The following ALG14 variants were observed in gnomAD, a reference collection of about 807,000 sequenced individuals.
The protein encoded by ALG14 is UDP-N-acetylglucosamine transferase subunit ALG14.
A neutral mutation model predicts 22.8 loss-of-function variants in ALG14; 17 were observed. The observed-to-expected ratio is 0.75, with a 90% CI of 0.51 to 1.12. The LOEUF (loss-of-function observed/expected upper bound fraction) is 1.12. Among genes scored for constraint, ALG14 ranks in the 50% most tolerant of loss-of-function variants. The probability of loss-of-function intolerance (pLI) is 0.00; values close to 1 mark genes in which losing one functional copy is unlikely to be tolerated. For missense variants in ALG14, 288 were observed against 271.8 expected (o/e 1.06, Z -0.42); for synonymous variants, 89 against 103.7 (o/e 0.86, Z 0.86).
intron 2 of ALG14, among the ~76,000 whole-genome samples, chr1:95,038,003 A>G (rs1301294451): frequency 6.6e-6 from 1 of 152,224 alleles, no homozygotes; most frequent in African/African-American, 2.4e-5. Context: ...AGGGATAACT[A>G]TAATATGAGA....
At chr1:95,052,965 C>T (rs1674802602) in intron 2 of ALG14, among the ~76,000 whole-genome samples, 1 of 150,636 alleles carries the variant, frequency 6.6e-6, no homozygotes, top group African/African-American at 2.4e-5. Context: ...AAACAGAAAG[C>T]AGCCCAAGGA....
intron 2 of ALG14, among the ~76,000 whole-genome samples, chr1:95,032,782 C>T (rs1020866125): frequency 3.9e-5 from 6 of 152,192 alleles, no homozygotes; most frequent in African/African-American, 1.2e-4. Flanking sequence ...ATTACCTATA[C>T]TTGACACAGA....
chr1:95,046,754 T>C (rs1194577908), intron 2 of ALG14, among the ~76,000 whole-genome samples: 2 of 152,208 alleles, frequency 1.3e-5, no homozygotes, highest in African/African-American at 4.8e-5. Flanking sequence ...AGTGAAAAAC[T>C]GAAAATGATA....
intron 2 of ALG14, among the ~76,000 whole-genome samples, chr1:95,037,038 G>A (rs1204358251): frequency 2.0e-5 from 3 of 152,126 alleles, no homozygotes; most frequent in Non-Finnish European, 4.4e-5. Context: ...CTTGCCTGGT[G>A]GTCTGAGACT....
At chr1:95,035,071 T>C (rs537904065) in intron 2 of ALG14, among the ~76,000 whole-genome samples, 32 of 152,202 alleles carry the variant, frequency 2.1e-4, no homozygotes, top group Non-Finnish European at 3.8e-4. Context: ...TTTTGAGACT[T>C]TTCTGTTGAA....
intron 3 of ALG14, among the ~76,000 whole-genome samples, chr1:94,985,037 A>G (rs901909176): frequency 6.6e-5 from 10 of 151,990 alleles, no homozygotes; most frequent in African/African-American, 1.2e-4. Flanking sequence ...CCCTTTTTGC[A>G]GAGGAGAAAA....
chr1:95,020,995 C>T (rs1355611808), intron 3 of ALG14, among the ~76,000 whole-genome samples: 2 of 152,130 alleles, frequency 1.3e-5, no homozygotes, highest in Non-Finnish European at 2.9e-5. Flanking sequence ...GAATGAGAAA[C>T]TTTCGCCATT....
Position 94,974,699 on chromosome 1 carries a change from G to A in ALG14, c.*8377C>T, listed in dbSNP as rs1259411801. 1 of 152,186 alleles carries A rather than the reference G, an allele frequency of 6.6e-6. No individual in the cohort carries two copies. Among genetic ancestry groups the A allele is most frequent in the Non-Finnish European group, 1.5e-5 (1 of 68,034 alleles). The allele number at this position is 152,186 out of a possible 1,614,324, so 9.4% of individuals were successfully genotyped here. A position where few individuals can be genotyped will look rare whatever the true frequency, so the allele number is the denominator to read the frequency against. On this transcript the variant is annotated 3_prime_UTR_variant, in exon 4 of 4. Transcript: ENST00000370205. Reference sequence around the variant, plus strand: ...AAAGTACCCAAGCTTTGGAGAAACTGTCTCCTTCTGAAAGGTTATTTTTCT... The same window carrying A: ...AAAGTACCCAAGCTTTGGAGAAACTATCTCCTTCTGAAAGGTTATTTTTCT...
At chr1:94,999,345 T>A (rs764588641) in intron 3 of ALG14, among the ~76,000 whole-genome samples, 8,889 of 116,166 alleles carry the variant, frequency 0.077, 159 homozygotes, top group South Asian at 0.1. Context: ...GTAGACCCAT[T>A]TTTTTTTTTT....
In ALG14 at chr1:95,061,877, C is replaced by T. The variant is rs577664395; in HGVS notation, c.288+2989G>A. On this transcript the variant is annotated intron_variant, in intron 2 of 3. Coordinates refer to ENST00000370205, the MANE Select transcript of ALG14 (RefSeq NM_144988.4). ...CCACCCCTGAACTATCCAGAGCAGC[C>T]CTGCAGCTGGGCCGTTCCCAGAGAG... 3.3e-5 allele frequency: 5 copies of T among 152,252 alleles called. No individual in the cohort carries two copies. The South Asian group carries it at 1.0e-3, about 32-fold the overall frequency. 9.4% of individuals were successfully genotyped at this position (152,252 alleles called of 1,614,324 possible).
chr1:95,048,316 A>C (rs575952856), intron 2 of ALG14, among the ~76,000 whole-genome samples: 2 of 152,198 alleles, frequency 1.3e-5, no homozygotes, highest in Non-Finnish European at 2.9e-5. Context: ...GAAAAACTCT[A>C]TATTTTTTTA....
intron 3 of ALG14, among the ~76,000 whole-genome samples, chr1:94,984,070 T>G (rs1404743602): frequency 6.6e-6 from 1 of 151,624 alleles, no homozygotes; most frequent in Non-Finnish European, 1.5e-5. Context: ...TTGAAGAAAA[T>G]AAGAGAAAAC....
At chr1:95,069,594 C>G (rs936214675) in intron 1 of ALG14, among the ~76,000 whole-genome samples, 3 of 150,578 alleles carry the variant, frequency 2.0e-5, no homozygotes, top group African/African-American at 7.4e-5. Flanking sequence ...GAGATAGAGG[C>G]CTTTGTGATT....
intron 3 of ALG14, among the ~76,000 whole-genome samples, chr1:94,994,892 G>A (rs1462677039): frequency 6.6e-6 from 1 of 152,178 alleles, no homozygotes; most frequent in Non-Finnish European, 1.5e-5. Flanking sequence ...ACAGTAATAT[G>A]GATTAGGAAA....
intron 3 of ALG14, among the ~76,000 whole-genome samples, chr1:95,017,551 G>A (rs1164121185): frequency 6.6e-6 from 1 of 152,098 alleles, no homozygotes; most frequent in Non-Finnish European, 1.5e-5. Context: ...TGAAACAGGG[G>A]CTTCAACATG....
At chr1:95,044,311 C>T (rs1674476342) in intron 2 of ALG14, among the ~76,000 whole-genome samples, 2 of 152,176 alleles carry the variant, frequency 1.3e-5, no homozygotes, top group Non-Finnish European at 2.9e-5. Flanking sequence ...CTGTGTAAAA[C>T]AGTATGATTG....
intron 2 of ALG14, among the ~76,000 whole-genome samples, chr1:95,056,907 A>G (rs1674954557): frequency 6.6e-6 from 1 of 151,556 alleles, no homozygotes; most frequent in Non-Finnish European, 1.5e-5. Context: ...AAATACAAAA[A>G]TTAGCTGGGC....
intron 2 of ALG14, among the ~76,000 whole-genome samples, chr1:95,055,531 A>G (rs1371555542): frequency 6.6e-6 from 1 of 152,162 alleles, no homozygotes; most frequent in African/African-American, 2.4e-5. Flanking sequence ...AGATCTAAAC[A>G]ATGAAGAGAG....
chr1:95,020,439 T>TA (rs1673629251), intron 3 of ALG14, among the ~76,000 whole-genome samples: 3 of 148,506 alleles, frequency 2.0e-5, no homozygotes, highest in Admixed American at 2.0e-4. Flanking sequence ...CCAAATGAAG[T>TA]AAAAAATGCT....
Sources: allele counts gnomAD v4.1 joint callset (sites outside exome capture counted in the v4.1 genomes callset), GRCh38; gene constraint gnomAD v4.1.1; transcripts MANE v1.5; gene names NCBI Gene and HGNC (gene_info 2026-07-23, HGNC 2026-07-21).